The following SNTB1 variants were observed in gnomAD, a reference collection of about 807,000 sequenced individuals.
SNTB1 encodes beta-1-syntrophin.
Under a neutral mutation model 48.9 loss-of-function variants are expected in SNTB1, and 36 were observed. The observed-to-expected ratio is 0.74, with a 90% CI of 0.56 to 0.97. The LOEUF is 0.97. Ranked by LOEUF, SNTB1 falls within the 50% of genes least tolerant of loss-of-function variation. The probability of loss-of-function intolerance (pLI) is 0.00; values close to 1 mark genes in which losing one functional copy is unlikely to be tolerated. For missense variants in SNTB1, 786 were observed against 703.4 expected (o/e 1.12, Z -1.33); for synonymous variants, 299 against 294.6 (o/e 1.01, Z -0.15).
At chr8:120,545,138 G>A (rs112390648) in intron 5 of SNTB1, among the ~76,000 whole-genome samples, 19,227 of 152,100 alleles carry the variant, frequency 0.13, 1,531 homozygotes, top group Non-Finnish European at 0.16. Context: ...GAGGTCAGGC[G>A]TTTGAGACCA....
intron 3 of SNTB1, among the ~76,000 whole-genome samples, chr8:120,618,214 C>T (rs998271598): frequency 6.6e-6 from 1 of 152,144 alleles, no homozygotes; most frequent in Non-Finnish European, 1.5e-5. Context: ...TAAATTATAG[C>T]ATGCACAGGT....
chr8:120,600,345 T>C (rs759470487), intron 3 of SNTB1, among the ~76,000 whole-genome samples: 9 of 152,228 alleles, frequency 5.9e-5, no homozygotes, highest in South Asian at 2.1e-4. Context: ...GTGCTCCAGT[T>C]GACAATCCCA....
chr8:120,717,685 T>A (rs923821638), intron 1 of SNTB1, among the ~76,000 whole-genome samples: 4 of 151,914 alleles, frequency 2.6e-5, no homozygotes, highest in Admixed American at 6.6e-5. Context: ...AGATGGGAAA[T>A]GGCCAAGAAT....
At position 120,787,299 on chromosome 8, in the gene SNTB1, C is replaced by T. The variant is rs544813801; in HGVS notation, c.571+23974G>A. On this transcript the variant is annotated intron_variant, in intron 1 of 6. Coordinates refer to ENST00000517992, the MANE Select transcript of SNTB1 (RefSeq NM_021021.4). ...AGAAAAAAATGAGAAAAACAATTCACGCAATATGAAAAGAAAACAGCATTC... is the reference window on the plus strand; with the variant it reads ...AGAAAAAAATGAGAAAAACAATTCATGCAATATGAAAAGAAAACAGCATTC... Among the ~76,000 whole-genome samples, 10 of 151,818 alleles carry T rather than the reference C, an allele frequency of 6.6e-5. No homozygotes were observed. In the South Asian group the frequency reaches 1.0e-3, roughly 16 times the overall value.
chr8:120,808,816 G>A (rs1040259321), intron 1 of SNTB1, among the ~76,000 whole-genome samples: 4 of 152,094 alleles, frequency 2.6e-5, no homozygotes, highest in African/African-American at 7.2e-5. Flanking sequence ...GTCATGCGGT[G>A]GGGTGCATAC....
chr8:120,680,806 T>C (rs2129817108), intron 2 of SNTB1, among the ~76,000 whole-genome samples: 1 of 152,290 alleles, frequency 6.6e-6, no homozygotes, highest in East Asian at 1.9e-4. Context: ...GAGTCAAGAT[T>C]AGCAAAAATC....
chr8:120,752,133 C>T (rs1819228625), intron 1 of SNTB1, among the ~76,000 whole-genome samples: 1 of 152,046 alleles, frequency 6.6e-6, no homozygotes, highest in Non-Finnish European at 1.5e-5. Context: ...AGAGCCAAGC[C>T]TAAGAGAAGG....
At chr8:120,675,255 A>G (rs1006131122) in intron 2 of SNTB1, among the ~76,000 whole-genome samples, 1 of 152,114 alleles carries the variant, frequency 6.6e-6, no homozygotes, top group African/African-American at 2.4e-5. Flanking sequence ...AGAAAGAAAA[A>G]ATTTCATTTA....
intron 2 of SNTB1, among the ~76,000 whole-genome samples, chr8:120,682,150 A>G (rs1286882771): frequency 6.6e-6 from 1 of 152,290 alleles, no homozygotes; most frequent in African/African-American, 2.4e-5. Flanking sequence ...TACAACATCA[A>G]TCTAGAAGCC....
chr8:120,786,963 T>C (rs1819933173), intron 1 of SNTB1, among the ~76,000 whole-genome samples: 1 of 152,180 alleles, frequency 6.6e-6, no homozygotes, highest in Admixed American at 6.5e-5. Flanking sequence ...GTTTTTTAAA[T>C]GCATACCACT....
intron 1 of SNTB1, among the ~76,000 whole-genome samples, chr8:120,733,061 T>C (rs1818878521): frequency 6.6e-6 from 1 of 152,222 alleles, no homozygotes; most frequent in South Asian, 2.1e-4. Context: ...ACAGGGATGA[T>C]TGATAGAGGA....
rs1563818867 is a variant in SNTB1 at position 120,566,021 on chromosome 8, C to T, written c.1136+9065G>A. ...GTCAGGAGTTCGAGACCAGCCTGGC[C>T]AACATGGTGGCCTATTAAAATACAA... On this transcript the variant is annotated intron_variant, in intron 4 of 6. Transcript: ENST00000517992. Among the ~76,000 whole-genome samples, 5 of 152,036 alleles carry T rather than the reference C, an allele frequency of 3.3e-5. No individual in the cohort carries two copies. In the South Asian group the frequency reaches 6.2e-4, roughly 19 times the overall value.
At chr8:120,634,650 C>A (rs1817043571) in intron 2 of SNTB1, among the ~76,000 whole-genome samples, 1 of 152,160 alleles carries the variant, frequency 6.6e-6, no homozygotes, top group Non-Finnish European at 1.5e-5. Context: ...CCAGTAATGT[C>A]CCACCTAGAT....
At chr8:120,574,146 T>C (rs1182208299) in intron 4 of SNTB1, among the ~76,000 whole-genome samples, 1 of 152,180 alleles carries the variant, frequency 6.6e-6, no homozygotes, top group African/African-American at 2.4e-5. Flanking sequence ...ATCCCATTTA[T>C]ATGAGGAATC....
At chr8:120,579,853 CAT>C (rs147716964) in intron 3 of SNTB1, among the ~76,000 whole-genome samples, 2,227 of 152,242 alleles carry the variant, frequency 0.015, 51 homozygotes, top group African/African-American at 0.05. Flanking sequence ...AATTCGTGCA[CAT>C]ATAGGATTTA....
At chr8:120,638,870 T>C (rs6987891) in intron 2 of SNTB1, among the ~76,000 whole-genome samples, 1,937 of 152,350 alleles carry the variant, frequency 0.013, 49 homozygotes, top group African/African-American at 0.043. Context: ...AACATACGTG[T>C]ACATGTATCT....
Position 120,768,232 on chromosome 8 carries a change from C to A in SNTB1, c.571+43041G>T, listed in dbSNP as rs1451129931. ...TGTTACCGCAGTCTCCTATGGAATG[C>A]ATTGACCTCATGCTGTTCAAGTCCC... On this transcript the variant is annotated intron_variant, in intron 1 of 6. Transcript: ENST00000517992. Among the ~76,000 whole-genome samples the A allele has an allele frequency of 3.9e-5, 6 of 152,192 alleles. No individual in the cohort carries two copies. The South Asian group carries it at 1.2e-3, about 32-fold the overall frequency.
intron 1 of SNTB1, among the ~76,000 whole-genome samples, chr8:120,695,482 C>A (rs370984460): frequency 1.6e-4 from 25 of 152,316 alleles, no homozygotes; most frequent in African/African-American, 5.3e-4. Flanking sequence ...CAGGAGGCTG[C>A]AAAGTCACTA....
intron 2 of SNTB1, among the ~76,000 whole-genome samples, chr8:120,656,776 A>G (rs1186635963): frequency 6.6e-6 from 1 of 152,224 alleles, no homozygotes; most frequent in Non-Finnish European, 1.5e-5. Flanking sequence ...ATGCCCAGTT[A>G]AAATTGAGTT....
Sources: gnomAD v4.1 joint callset for allele counts (sites outside exome capture counted in the v4.1 genomes callset) on GRCh38, gnomAD v4.1.1 for gene constraint, MANE v1.5 for transcripts, NCBI Gene and HGNC (gene_info 2026-07-23, HGNC 2026-07-21) for gene names.